The following PCSK5 variants were observed in gnomAD, a reference collection of about 807,000 sequenced individuals.
PCSK5 encodes proprotein convertase subtilisin/kexin type 5, also known as prohormone convertase 5.
In PCSK5, 129 loss-of-function variants were observed where a neutral mutation model predicts 233.2. The ratio of observed to expected loss-of-function variants is 0.55; its 90% CI spans 0.48 to 0.64. The LOEUF is 0.64. Ranked by LOEUF, PCSK5 falls within the 30% of genes least tolerant of loss-of-function variation. PCSK5 has a pLI of 0.00. For synonymous variants in PCSK5, 825 were observed against 879.2 expected, an observed-to-expected ratio of 0.94 and a Z score of 1.09; for missense variants, 2,076 against 2,430.1, an observed-to-expected ratio of 0.85 and a Z score of 3.06.
intron 22 of PCSK5, among the ~76,000 whole-genome samples, chr9:76,238,359 A>G (rs1434210810): frequency 6.6e-6 from 1 of 152,224 alleles, no homozygotes; most frequent in Non-Finnish European, 1.5e-5. Context: ...ATGTTGACAA[A>G]AGTCAGGAAC....
chr9:76,081,480 C>CAAATAAATAAAT (rs765081974), intron 7 of PCSK5, among the ~76,000 whole-genome samples: 1 of 146,144 alleles, frequency 6.8e-6, no homozygotes, highest in African/African-American at 2.6e-5. Flanking sequence ...AATAAACAAA[C>CAAATAAATAAAT]AAACAAATAA....
At chr9:76,081,914 C>T (rs1450356663) in intron 7 of PCSK5, among the ~76,000 whole-genome samples, 1 of 152,156 alleles carries the variant, frequency 6.6e-6, no homozygotes, top group African/African-American at 2.4e-5. Flanking sequence ...AAACAAATCT[C>T]TCATACAGAC....
chr9:75,912,886 C>T (rs895596110), intron 1 of PCSK5, among the ~76,000 whole-genome samples: 1 of 152,162 alleles, frequency 6.6e-6, no homozygotes, highest in African/African-American at 2.4e-5. Flanking sequence ...CTCTGGACAC[C>T]TCCCCATCCC....
chr9:76,233,408 G>T (rs1826153253), intron 21 of PCSK5, 52 bp from the exon 22 acceptor site: 1 of 1,592,508 alleles, frequency 6.3e-7, no homozygotes. Context: ...GATACTTAGG[G>T]CCACTCTGGA....
At chr9:75,985,397 G>A (rs192374979) in intron 2 of PCSK5, among the ~76,000 whole-genome samples, 3 of 152,224 alleles carry the variant, frequency 2.0e-5, no homozygotes, top group Non-Finnish European at 4.4e-5. Context: ...CTATGGCTTA[G>A]GAAATTGAGT....
chr9:76,046,592 GCT>G (rs1829413377), intron 5 of PCSK5, among the ~76,000 whole-genome samples: 1 of 135,980 alleles, frequency 7.4e-6, no homozygotes, highest in South Asian at 2.4e-4. Context: ...ACGGAGTGTG[GCT>G]CTGTTGCCCA....
intron 21 of PCSK5, among the ~76,000 whole-genome samples, chr9:76,229,196 G>C (rs1360338037): frequency 6.6e-6 from 1 of 152,180 alleles, no homozygotes; most frequent in African/African-American, 2.4e-5. Context: ...CTTACTCTAA[G>C]ATACAGATAG....
chr9:76,019,604 G>A (rs1298930266), intron 3 of PCSK5, among the ~76,000 whole-genome samples: 1 of 151,970 alleles, frequency 6.6e-6, no homozygotes, highest in African/African-American at 2.4e-5. Flanking sequence ...TCCCACCTCA[G>A]TCTTAAAATA....
At chr9:75,943,073 C>CGG (rs1205942993) in intron 2 of PCSK5, among the ~76,000 whole-genome samples, 1 of 151,624 alleles carries the variant, frequency 6.6e-6, no homozygotes, top group Non-Finnish European at 1.5e-5. Context: ...TTAGTAGAGA[C>CGG]GGGGTTTCGC....
chr9:76,149,921 T>C (rs1443119951), intron 10 of PCSK5, among the ~76,000 whole-genome samples: 1 of 152,198 alleles, frequency 6.6e-6, no homozygotes, highest in African/African-American at 2.4e-5. Flanking sequence ...TTAAAATGGA[T>C]AGAGGCCCTT....
intron 1 of PCSK5, among the ~76,000 whole-genome samples, chr9:75,922,251 A>G (rs1288849284): frequency 6.6e-6 from 1 of 152,222 alleles, no homozygotes; most frequent in Non-Finnish European, 1.5e-5. Context: ...AGGAGAACCA[A>G]GTTAAAAAGA....
chr9:75,903,567 TGTGTGTG>T (rs1826134896), intron 1 of PCSK5, among the ~76,000 whole-genome samples: 1 of 134,498 alleles, frequency 7.4e-6, no homozygotes, highest in Non-Finnish European at 1.6e-5. Context: ...TATATATGTG[TGTGTGTG>T]TATATATATA....
chr9:76,331,337 G>A (rs889780126), intron 33 of PCSK5, among the ~76,000 whole-genome samples: 8 of 152,064 alleles, frequency 5.3e-5, no homozygotes, highest in Non-Finnish European at 1.0e-4. Context: ...CATTATCCAC[G>A]TAGACCCAAT....
chr9:76,157,076 C>A lies in PCSK5; in HGVS notation c.1344C>A (p.Asp448Glu), dbSNP rs141381020. The A allele has an allele frequency of 1.2e-6, 2 of 1,613,774 alleles. No homozygotes were observed. Among genetic ancestry groups the A allele is most frequent in the Admixed American group, 3.3e-5 (2 of 60,016 alleles). The change falls in exon 11 of 38, where the codon GAC becomes GAA. Residue 448 changes from aspartate to glutamate, a missense_variant. By Grantham distance (45) the Asp-to-Glu change is conservative (BLOSUM62 2). Transcript: ENST00000674117. ...VSHLYGFGLM[D>E]AEAMVMEAEK... ...ATCTTTATGGATTTGGACTGATGGA[C>A]GCAGAAGCCATGGTGATGGAGGCAG... is the stretch of plus-strand genomic sequence containing the variant.
At chr9:76,069,341 G>A (rs994054666) in intron 6 of PCSK5, among the ~76,000 whole-genome samples, 21 of 151,726 alleles carry the variant, frequency 1.4e-4, no homozygotes, top group African/African-American at 4.8e-4. Context: ...CACAGCCCCA[G>A]GTTCTTATCA....
At position 76,262,762 on chromosome 9, in the gene PCSK5, A is replaced by C. The variant is rs1476864952; in HGVS notation, c.3142+22078A>C. 3.0e-3 allele frequency among the ~76,000 whole-genome samples: 450 copies of C among 150,108 alleles called. 3 individuals are homozygous for C. Among genetic ancestry groups the C allele is most frequent in the African/African-American group, 8.9e-3 (364 of 40,886 alleles). On this transcript the variant is annotated intron_variant, in intron 24 of 37. Transcript: ENST00000674117. Reference sequence around the variant, plus strand: ...ACACCAAAAGCAATGGCAACAAAAGACAAAATTGACAAATGGGATCTAATT... The same window carrying C: ...ACACCAAAAGCAATGGCAACAAAAGCCAAAATTGACAAATGGGATCTAATT...
intron 7 of PCSK5, among the ~76,000 whole-genome samples, chr9:76,072,841 G>A (rs1005458193): frequency 2.6e-5 from 4 of 152,232 alleles, no homozygotes; most frequent in Middle Eastern, 3.4e-3. Flanking sequence ...AAAGGTTCAC[G>A]TCTTCCCAGA....
chr9:75,903,110 G>T (rs552052084), intron 1 of PCSK5, among the ~76,000 whole-genome samples: 3 of 151,924 alleles, frequency 2.0e-5, no homozygotes, highest in Non-Finnish European at 4.4e-5. Flanking sequence ...CATGTATTCT[G>T]CCCTTTAAAT....
chr9:75,980,488 A>G (rs538464561), intron 2 of PCSK5, among the ~76,000 whole-genome samples: 85 of 152,306 alleles, frequency 5.6e-4, no homozygotes, highest in African/African-American at 2.0e-3. Flanking sequence ...GCAGTCATCA[A>G]ATAAGATTCA....
Sources: allele counts gnomAD v4.1 joint callset (sites outside exome capture counted in the v4.1 genomes callset), GRCh38; gene constraint gnomAD v4.1.1; transcripts MANE v1.5; gene names NCBI Gene and HGNC (gene_info 2026-07-23, HGNC 2026-07-21).